Variants in PSMD14 observed in about 807,000 individuals in gnomAD.
PSMD14 encodes proteasome 26S subunit, non-ATPase 14.
Under a neutral mutation model 41.2 loss-of-function variants are expected in PSMD14, and 7 were observed. The ratio of observed to expected loss-of-function variants is 0.17; its 90% confidence interval spans 0.10 to 0.32. The LOEUF (loss-of-function observed/expected upper bound fraction) is 0.32, where lower values mean the gene tolerates loss of function less well. Ranked by LOEUF, PSMD14 falls within the 10% of genes least tolerant of loss-of-function variation. The pLI, the probability that PSMD14 is intolerant of heterozygous loss-of-function variation, is 1.00. For missense variants in PSMD14, 139 were observed against 375.6 expected (o/e 0.37, Z 5.21); for synonymous variants, 114 against 122.3 (o/e 0.93, Z 0.45).
chr2:161,333,013 C>T (rs1334241825), intron 3 of PSMD14, among the ~76,000 whole-genome samples: 1 of 152,128 alleles, frequency 6.6e-6, no homozygotes, highest in Non-Finnish European at 1.5e-5. Context: ...AGCCTAAGGC[C>T]ACATTAGTGT....
chr2:161,313,276 T>TG (rs1689110095), intron 1 of PSMD14, among the ~76,000 whole-genome samples: 1 of 152,258 alleles, frequency 6.6e-6, no homozygotes, highest in Admixed American at 6.5e-5. Context: ...AAAAGGATAG[T>TG]GAAAAAACAA....
At chr2:161,365,274 C>A (rs1683343601) in intron 3 of PSMD14, among the ~76,000 whole-genome samples, 1 of 152,192 alleles carries the variant, frequency 6.6e-6, no homozygotes, top group Non-Finnish European at 1.5e-5. Flanking sequence ...CTTCCTCTCT[C>A]TCGAGGTAAC....
chr2:161,315,923 A>T (rs1689142937), intron 1 of PSMD14, among the ~76,000 whole-genome samples: 2 of 149,216 alleles, frequency 1.3e-5, no homozygotes, highest in East Asian at 3.9e-4. Flanking sequence ...GGCTCATTGC[A>T]ATCCACCTCT....
In PSMD14 at chr2:161,370,197, A is replaced by G. The variant is rs866744428; in HGVS notation, c.311+20A>G. On this transcript the variant is annotated intron_variant, in intron 6 of 11. Coordinates refer to ENST00000409682, the MANE Select transcript of PSMD14 (RefSeq NM_005805.6). Reference sequence around the variant, plus strand: ...AGGAAGGTAAGCATTTTAAATGATCAGTTAAAGAAATAATGGGAAATATTT... The same window carrying G: ...AGGAAGGTAAGCATTTTAAATGATCGGTTAAAGAAATAATGGGAAATATTT... 1.8e-5 allele frequency: 27 copies of G among 1,488,212 alleles called. 1 individual carries two copies. The Middle Eastern group carries it at 3.9e-3, about 216-fold the overall frequency. 92.2% of individuals were successfully genotyped at this position (1,488,212 alleles called of 1,614,324 possible).
chr2:161,401,628 A>G (rs1229638161), intron 10 of PSMD14, among the ~76,000 whole-genome samples: 2 of 152,212 alleles, frequency 1.3e-5, no homozygotes, highest in East Asian at 1.9e-4. Context: ...TTACATACAT[A>G]TATACACACA....
chr2:161,314,917 A>G (rs967194458), intron 1 of PSMD14, among the ~76,000 whole-genome samples: 2 of 152,210 alleles, frequency 1.3e-5, no homozygotes, highest in Admixed American at 6.5e-5. Flanking sequence ...TTTATGGGGC[A>G]TATACCAATG....
intron 2 of PSMD14, among the ~76,000 whole-genome samples, chr2:161,316,858 CTT>C (rs1268599454): frequency 2.0e-5 from 3 of 152,158 alleles, no homozygotes; most frequent in African/African-American, 7.2e-5. Flanking sequence ...GCCAGATTTT[CTT>C]TCTCTCTGCT....
At chr2:161,361,163 A>T (rs1683284357) in intron 3 of PSMD14, among the ~76,000 whole-genome samples, 1 of 152,178 alleles carries the variant, frequency 6.6e-6, no homozygotes, top group South Asian at 2.1e-4. Context: ...TAACTCTTTA[A>T]TCCATCTGGG....
intron 9 of PSMD14, among the ~76,000 whole-genome samples, chr2:161,394,739 G>A (rs1683768310): frequency 6.6e-6 from 1 of 152,126 alleles, no homozygotes; most frequent in South Asian, 2.1e-4. Context: ...CAGGTTAAGG[G>A]AAGAAAGATT....
chr2:161,313,870 G>T (rs1378847247), intron 1 of PSMD14, among the ~76,000 whole-genome samples: 1 of 152,172 alleles, frequency 6.6e-6, no homozygotes, highest in Non-Finnish European at 1.5e-5. Flanking sequence ...CATCCTGTGT[G>T]TGTGTGTATG....
chr2:161,339,496 A>ATTTTT (rs202216505), intron 3 of PSMD14, among the ~76,000 whole-genome samples: 1 of 105,586 alleles, frequency 9.5e-6, no homozygotes, highest in South Asian at 3.1e-4. Context: ...TTGTTAATGA[A>ATTTTT]TTTTTTTTTT....
At chr2:161,377,860 C>T (rs1683522540) in intron 7 of PSMD14, among the ~76,000 whole-genome samples, 1 of 151,882 alleles carries the variant, frequency 6.6e-6, no homozygotes, top group African/African-American at 2.4e-5. Context: ...GTTCAACAGA[C>T]ACTTGTTGAT....
At chr2:161,328,234 G>C (rs1158555249) in intron 3 of PSMD14, among the ~76,000 whole-genome samples, 4 of 151,966 alleles carry the variant, frequency 2.6e-5, no homozygotes, top group Non-Finnish European at 4.4e-5. Context: ...TTAAAGCATT[G>C]TTTGTATATT....
At chr2:161,378,283 A>C (rs1683527331) in intron 7 of PSMD14, among the ~76,000 whole-genome samples, 1 of 151,976 alleles carries the variant, frequency 6.6e-6, no homozygotes, top group Non-Finnish European at 1.5e-5. Flanking sequence ...ATCCAAATTA[A>C]ATACATGTCA....
intron 4 of PSMD14, 90 bp downstream of exon 4, chr2:161,367,639 C>T: frequency 1.4e-6 from 2 of 1,422,174 alleles, no homozygotes; most frequent in Non-Finnish European, 1.9e-6. Flanking sequence ...TTAATCCTCT[C>T]AGACATAAAT....
rs191528352 is a variant in PSMD14, at chr2:161,322,820, G to A, written c.48+3947G>A. Among the ~76,000 whole-genome samples the A allele has an allele frequency of 2.6e-4, 40 of 152,298 alleles. 1 individual carries two copies. The highest frequency in any genetic ancestry group is 1.0e-3 in the South Asian group (5 of 4,830). ...TTAGTTGTTTTATTTGGGAGTTGTA[G>A]TAGGGCTAGTAGGTAAAAAAGGAAC... On this transcript the variant is annotated intron_variant, in intron 3 of 11. Transcript: ENST00000409682.
At chr2:161,332,061 A>C (rs115837023) in intron 3 of PSMD14, among the ~76,000 whole-genome samples, 272 of 152,308 alleles carry the variant, frequency 1.8e-3, no homozygotes, top group African/African-American at 6.1e-3. Flanking sequence ...ATACAACTTA[A>C]ATAGTCTTGT....
Position 161,367,865 on chromosome 2 carries a change from A to G in PSMD14, c.202A>G (p.Arg68Gly). The change falls in exon 5 of 12, where the codon AGA (arginine) becomes GGA (glycine). Residue 68 changes from arginine (R) to glycine (G), a missense_variant. Coordinates refer to ENST00000409682, the MANE Select transcript of PSMD14 (RefSeq NM_005805.6). ...AGAATTTGTTGATGATTATACCGTC[A>G]GAGTGATTGATGTGTTTGCTATGCC... is the stretch of plus-strand genomic sequence containing the variant. ...LGEFVDDYTV[R>G]VIDVFAMPQS... 6.2e-7 allele frequency: 1 copy of G among 1,613,546 alleles called. No homozygotes were observed. The highest frequency in any genetic ancestry group is 8.5e-7 in the Non-Finnish European group (1 of 1,179,588).
chr2:161,334,164 C>T (rs1388621242), intron 3 of PSMD14, among the ~76,000 whole-genome samples: 3 of 152,108 alleles, frequency 2.0e-5, no homozygotes, highest in Non-Finnish European at 4.4e-5. Flanking sequence ...GAAAGAAACC[C>T]TATCTCTACT....
Sources: allele counts gnomAD v4.1 joint callset (sites outside exome capture counted in the v4.1 genomes callset), GRCh38; gene constraint gnomAD v4.1.1; transcripts MANE v1.5; gene names NCBI Gene and HGNC (gene_info 2026-07-23, HGNC 2026-07-21).